SMYD3: variants seen among roughly 807,000 people sequenced by gnomAD.
The protein encoded by SMYD3 is SET and MYND domain containing 3, also known as histone-lysine N-methyltransferase SMYD3.
In SMYD3, 36 loss-of-function variants were observed where a neutral mutation model predicts 57.7. That is an observed-to-expected ratio of 0.62 (90% confidence interval 0.48 to 0.82). The LOEUF (loss-of-function observed/expected upper bound fraction) is 0.82, where lower values mean the gene tolerates loss of function less well. SMYD3 is among the 40% of genes least tolerant of loss of function. The pLI, the probability that SMYD3 is intolerant of heterozygous loss-of-function variation, is 0.00. For synonymous variants in SMYD3, 211 were observed against 195.0 expected, an observed-to-expected ratio of 1.08 and a Z score of -0.68; for missense variants, 515 against 538.8, an observed-to-expected ratio of 0.96 and a Z score of 0.44.
At chr1:246,165,542 C>T (rs772611723) in intron 5 of SMYD3, among the ~76,000 whole-genome samples, 1 of 152,126 alleles carries the variant, frequency 6.6e-6, no homozygotes, top group Non-Finnish European at 1.5e-5. Flanking sequence ...TTTGCTGATG[C>T]TTTCAGGGGT....
chr1:245,990,966 G>A lies in SMYD3; in HGVS notation c.532-61029C>T, dbSNP rs182697798. Among the ~76,000 whole-genome samples, 19 of 152,314 alleles carry A rather than the reference G, an allele frequency of 1.2e-4. No homozygotes were observed. The East Asian group carries it at 3.5e-3, about 28-fold the overall frequency. On this transcript the variant is annotated intron_variant, in intron 5 of 11. Transcript: ENST00000490107. ...TAGTGCTGTTTAAAAAAATTGTTAT[G>A]TTTATCAACATGAAGCATCATAAGA...
At chr1:246,491,528 G>A (rs545339518) in intron 1 of SMYD3, among the ~76,000 whole-genome samples, 2 of 146,192 alleles carry the variant, frequency 1.4e-5, no homozygotes, top group South Asian at 2.1e-4. Flanking sequence ...CAACAAGAGC[G>A]AAACTTCGTC....
At chr1:246,471,725 G>A (rs1365350217) in intron 1 of SMYD3, among the ~76,000 whole-genome samples, 1 of 152,228 alleles carries the variant, frequency 6.6e-6, no homozygotes, top group East Asian at 1.9e-4. Flanking sequence ...GGGATCCCCT[G>A]AGTAAGATTA....
intron 1 of SMYD3, among the ~76,000 whole-genome samples, chr1:246,364,591 T>TA (rs2066067429): frequency 6.6e-6 from 1 of 152,208 alleles, no homozygotes; most frequent in African/African-American, 2.4e-5. Flanking sequence ...TGGCAGGTGA[T>TA]ACTGAAAGGA....
chr1:245,958,016 G>A (rs1171875980), intron 5 of SMYD3, among the ~76,000 whole-genome samples: 2 of 150,968 alleles, frequency 1.3e-5, no homozygotes, highest in Non-Finnish European at 3.0e-5. Context: ...CAGAGACTTT[G>A]AGAAAAAAAA....
intron 5 of SMYD3, among the ~76,000 whole-genome samples, chr1:245,933,011 A>G (rs961269311): frequency 6.6e-6 from 1 of 152,236 alleles, no homozygotes; most frequent in East Asian, 1.9e-4. Flanking sequence ...TATTTTTGAC[A>G]TACACAACTG....
intron 5 of SMYD3, among the ~76,000 whole-genome samples, chr1:246,029,303 T>C (rs1333639223): frequency 6.6e-6 from 1 of 152,116 alleles, no homozygotes; most frequent in Non-Finnish European, 1.5e-5. Context: ...AAATTACATG[T>C]TCAGCAAGGA....
intron 9 of SMYD3, among the ~76,000 whole-genome samples, chr1:245,863,178 AG>A (rs1572538683): frequency 6.6e-6 from 1 of 152,180 alleles, no homozygotes; most frequent in East Asian, 1.9e-4. Context: ...CTCCTCTACC[AG>A]GAGCGGCCTC....
At chr1:246,300,020 TAA>T (rs568588598) in intron 5 of SMYD3, among the ~76,000 whole-genome samples, 1 of 143,732 alleles carries the variant, frequency 7.0e-6, no homozygotes, top group Non-Finnish European at 1.5e-5. Context: ...AATTAAAGTT[TAA>T]AAAAAAAAAA....
At chr1:246,013,461 T>C (rs2059322387) in intron 5 of SMYD3, among the ~76,000 whole-genome samples, 1 of 152,226 alleles carries the variant, frequency 6.6e-6, no homozygotes, top group African/African-American at 2.4e-5. Context: ...GCTACAGGCA[T>C]GAGCCACTGC....
At chr1:246,281,845 C>G (rs2064448996) in intron 5 of SMYD3, among the ~76,000 whole-genome samples, 1 of 151,998 alleles carries the variant, frequency 6.6e-6, no homozygotes, top group African/African-American at 2.4e-5. Flanking sequence ...AAACAGAATG[C>G]TATGTCAATA....
intron 5 of SMYD3, among the ~76,000 whole-genome samples, chr1:246,219,463 C>T (rs1346617398): frequency 1.3e-5 from 2 of 152,116 alleles, no homozygotes; most frequent in Non-Finnish European, 2.9e-5. Context: ...CTGAGAGCCA[C>T]TTCCATTGGC....
intron 1 of SMYD3, among the ~76,000 whole-genome samples, chr1:246,462,901 G>A (rs914639163): frequency 1.3e-5 from 2 of 152,072 alleles, no homozygotes; most frequent in Non-Finnish European, 2.9e-5. Flanking sequence ...AATGGTAGGG[G>A]ACAGCAAAAT....
chr1:246,189,703 G>A (rs2062701161), intron 5 of SMYD3, among the ~76,000 whole-genome samples: 1 of 152,080 alleles, frequency 6.6e-6, no homozygotes, highest in Non-Finnish European at 1.5e-5. Flanking sequence ...ATCTCCATGG[G>A]CAAAATAAAG....
chr1:245,853,681 CAT>C (rs1270128436), intron 10 of SMYD3, among the ~76,000 whole-genome samples: 3 of 151,844 alleles, frequency 2.0e-5, no homozygotes, highest in East Asian at 1.9e-4. Flanking sequence ...GAGGAAATCT[CAT>C]AGTTTATCAA....
intron 1 of SMYD3, among the ~76,000 whole-genome samples, chr1:246,402,647 A>T (rs1035755826): frequency 6.6e-6 from 1 of 152,212 alleles, no homozygotes; most frequent in African/African-American, 2.4e-5. Flanking sequence ...GCAAATCCTC[A>T]TCAAGCTGAT....
intron 2 of SMYD3, among the ~76,000 whole-genome samples, chr1:246,338,225 C>T (rs1428928113): frequency 6.6e-6 from 1 of 152,188 alleles, no homozygotes; most frequent in Non-Finnish European, 1.5e-5. Context: ...ATTTATCATT[C>T]AGCTTCACCT....
chr1:245,849,835 T>C (rs931223358), intron 10 of SMYD3, among the ~76,000 whole-genome samples: 2 of 151,942 alleles, frequency 1.3e-5, no homozygotes, highest in African/African-American at 4.8e-5. Flanking sequence ...ACATTTTTAG[T>C]AGAGATGGGG....
chr1:246,335,312 T>C (rs2065524695), intron 3 of SMYD3, 55 bp downstream of exon 3: 2 of 1,454,646 alleles, frequency 1.4e-6, no homozygotes, highest in Non-Finnish European at 1.9e-6. Flanking sequence ...GAAAATGCAA[T>C]TGCATATGTT....
Sources: gnomAD v4.1 joint callset for allele counts (sites outside exome capture counted in the v4.1 genomes callset) on GRCh38, gnomAD v4.1.1 for gene constraint, MANE v1.5 for transcripts, NCBI Gene and HGNC (gene_info 2026-07-23, HGNC 2026-07-21) for gene names.